Variants in IFT88 observed in about 807,000 individuals in gnomAD.
The protein encoded by IFT88 is intraflagellar transport protein 88 homolog.
Under a neutral mutation model 119.5 loss-of-function variants are expected in IFT88, and 74 were observed. The ratio of observed to expected loss-of-function variants is 0.62; its 90% CI spans 0.51 to 0.75. The LOEUF is 0.75. Ranked by LOEUF, IFT88 falls within the 30% of genes least tolerant of loss-of-function variation. The pLI is 0.00. For synonymous variants in IFT88, 279 were observed against 316.7 expected (o/e 0.88, Z 1.26); for missense variants, 961 against 977.7 (o/e 0.98, Z 0.23).
intron 16 of IFT88, among the ~76,000 whole-genome samples, chr13:20,636,649 C>A (rs1402022192): frequency 6.6e-6 from 1 of 152,244 alleles, no homozygotes; most frequent in Non-Finnish European, 1.5e-5. Context: ...TCTGATGATT[C>A]CTTCTGCCTT....
intron 7 of IFT88, among the ~76,000 whole-genome samples, chr13:20,594,080 A>G (rs2041214119): frequency 6.6e-6 from 1 of 151,898 alleles, no homozygotes; most frequent in Non-Finnish European, 1.5e-5. Context: ...AAAAAAAGAC[A>G]TATACATAAT....
At chr13:20,618,147 C>T (rs1294926145) in intron 14 of IFT88, among the ~76,000 whole-genome samples, 1 of 152,122 alleles carries the variant, frequency 6.6e-6, no homozygotes, top group Non-Finnish European at 1.5e-5. Flanking sequence ...GTCTCAATCT[C>T]CTGACCTCGT....
At chr13:20,656,274 A>G (rs2052778462) in intron 21 of IFT88, 91 bp from the exon 22 acceptor site, 5 of 470,178 alleles carry the variant, frequency 1.1e-5, no homozygotes, top group South Asian at 1.1e-4. Flanking sequence ...TAAACCATTA[A>G]ATAGCCAGTA....
intron 3 of IFT88, 67 bp from the exon 4 acceptor site, chr13:20,589,744 C>A: frequency 3.5e-6 from 3 of 856,512 alleles, no homozygotes; most frequent in Non-Finnish European, 5.5e-6. Context: ...TTTTCTATTT[C>A]TTTTCCAGTT....
intron 25 of IFT88, 25 bp from the exon 26 acceptor site, chr13:20,691,029 A>G (rs763777872): frequency 1.9e-6 from 3 of 1,609,474 alleles, no homozygotes; most frequent in Non-Finnish European, 2.5e-6. Flanking sequence ...CATAACTCTA[A>G]CGTGACAATC....
chr13:20,672,134 T>C (rs7334480), intron 24 of IFT88, among the ~76,000 whole-genome samples: 139,967 of 152,122 alleles, frequency 0.92, 64,473 homozygotes, highest in East Asian at 1. Flanking sequence ...GAAACTGCAG[T>C]TGGGACAAAG....
intron 24 of IFT88, among the ~76,000 whole-genome samples, chr13:20,679,350 G>A (rs10400670): frequency 0.52 from 79,569 of 151,988 alleles, 22,587 homozygotes; most frequent in African/African-American, 0.73. Flanking sequence ...GTGGAATGCA[G>A]AGCAACTCCA....
At chr13:20,669,762 A>G (rs937790375) in intron 23 of IFT88, among the ~76,000 whole-genome samples, 1 of 152,178 alleles carries the variant, frequency 6.6e-6, no homozygotes, top group Admixed American at 6.5e-5. Context: ...TATGCTGGAG[A>G]TGATCCATCT....
At chr13:20,597,786 T>G (rs1344211312) in intron 9 of IFT88, among the ~76,000 whole-genome samples, 4 of 149,474 alleles carry the variant, frequency 2.7e-5, no homozygotes, top group Non-Finnish European at 5.9e-5. Flanking sequence ...TTTTGATAAC[T>G]TGGTAAGTAC....
chr13:20,601,900 A>ATGAAGATAAATTGAT lies in IFT88; in HGVS notation c.1008_1009insTGAAGATAAATTGAT (p.Leu336_Glu337insTer). 1 of 1,601,108 alleles carries ATGAAGATAAATTGAT rather than the reference A, an allele frequency of 6.2e-7. No individual in the cohort carries two copies. Among genetic ancestry groups the ATGAAGATAAATTGAT allele is most frequent in the Non-Finnish European group, 8.6e-7 (1 of 1,168,182 alleles). Reference sequence around the variant, plus strand: ...TCCAAAAATTGATTACTGTTCCATTAGAAATTGATGAAGATAAATATATTT... The same window carrying ATGAAGATAAATTGAT: ...TCCAAAAATTGATTACTGTTCCATTATGAAGATAAATTGATGAAATTGATGAAGATAAATATATTT... On this transcript the variant is annotated stop_gained and inframe_insertion, in exon 12 of 26. Coordinates refer to ENST00000351808, the MANE Select transcript of IFT88 (RefSeq NM_006531.5). LOFTEE classifies it high-confidence loss of function.
intron 13 of IFT88, among the ~76,000 whole-genome samples, chr13:20,615,578 G>T (rs1003542632): frequency 6.6e-6 from 1 of 152,132 alleles, no homozygotes; most frequent in Non-Finnish European, 1.5e-5. Flanking sequence ...AATGAACACC[G>T]TTGACCCGGC....
At position 20,644,858 on chromosome 13, in the gene IFT88, C is replaced by G; in HGVS notation, c.1849C>G (p.Pro617Ala). Residue 617 changes from proline to alanine, a missense_variant, in exon 20 of 26, where the codon CCT becomes GCT. Pro to Ala is a conservative substitution (Grantham distance 27). Transcript: ENST00000351808. ...QYYYESYRYF[P>A]CNIEVIEWLG... The stretch of plus-strand genomic sequence containing the variant: ...TGTTTTACAGTCATATAGGTATTTT[C>G]CTTGTAATATTGAAGTCATTGAGTG... The G allele has an allele frequency of 6.4e-7, 1 of 1,555,124 alleles. No individual in the cohort carries two copies. Among genetic ancestry groups the G allele is most frequent in the South Asian group, 1.2e-5 (1 of 86,504 alleles).
At chr13:20,601,365 GAAAAA>G (rs60858876) in intron 11 of IFT88, among the ~76,000 whole-genome samples, 1 of 143,356 alleles carries the variant, frequency 7.0e-6, no homozygotes, top group African/African-American at 2.6e-5. Flanking sequence ...GACCCTGTCT[GAAAAA>G]AAAAAAAAAA....
chr13:20,631,024 G>A lies in IFT88; in HGVS notation c.1308G>A (p.Glu436=), dbSNP rs368723884. 1.9e-6 allele frequency: 3 copies of A among 1,578,144 alleles called. No individual in the cohort carries two copies. The highest frequency in any genetic ancestry group is 1.3e-5 in the African/African-American group (1 of 74,310). ...AGATATTCCATTTCTAGGCTGTAGA[G>A]ATCTTAAAAGTGTTGGAAAAAAAGG... The part of the protein sequence containing the change: ...LRQKDYNQAV[E]ILKVLEKKDS... The change falls in exon 16 of 26, where the codon GAG becomes GAA. Residue 436 remains glutamate (E), a synonymous_variant. Coordinates refer to ENST00000351808, the MANE Select transcript of IFT88 (RefSeq NM_006531.5).
intron 13 of IFT88, among the ~76,000 whole-genome samples, chr13:20,609,233 A>G (rs1306665288): frequency 2.0e-5 from 3 of 152,240 alleles, no homozygotes; most frequent in Admixed American, 1.3e-4. Context: ...AGTAGGAAAC[A>G]ATGCAGTGTT....
chr13:20,615,622 T>A (rs2045478529), intron 13 of IFT88, among the ~76,000 whole-genome samples, 171 bp from the exon 14 acceptor site: 1 of 152,200 alleles, frequency 6.6e-6, no homozygotes. Context: ...CGTTTCCTAG[T>A]CATGGTTTTA....
Position 20,638,321 on chromosome 13 carries a change from A to G in IFT88, c.1387-11A>G. 7.6e-7 allele frequency: 1 copy of G among 1,311,134 alleles called. No homozygotes were observed. The highest frequency in any genetic ancestry group is 9.9e-7 in the Non-Finnish European group (1 of 1,012,458). 81.2% of individuals were successfully genotyped at this position (1,311,134 alleles called of 1,614,324 possible). A position where few individuals can be genotyped will look rare whatever the true frequency, so the allele number is the denominator to read the frequency against. On this transcript the variant is annotated splice_polypyrimidine_tract_variant and intron_variant, in intron 16 of 25. Transcript: ENST00000351808. ...TGAAATTCAAATAATTTGTATATGTATTTTACTTAGGGAAAGGATTTTGCA... is the reference window on the plus strand; with the variant it reads ...TGAAATTCAAATAATTTGTATATGTGTTTTACTTAGGGAAAGGATTTTGCA...
At position 20,627,929 on chromosome 13, in the gene IFT88, A is replaced by G. The variant is rs144639150; in HGVS notation, c.1299+2080A>G. 1.6e-3 allele frequency among the ~76,000 whole-genome samples: 246 copies of G among 152,120 alleles called. 1 individual carries two copies. The highest frequency in any genetic ancestry group is 5.6e-3 in the African/African-American group (232 of 41,518). On this transcript the variant is annotated intron_variant, in intron 15 of 25. Coordinates refer to ENST00000351808, the MANE Select transcript of IFT88 (RefSeq NM_006531.5). ...TTGCATTTTCAAGTTTTTAATATCA[A>G]TTGGTTTACTGATTTTTTTAAAATG...
At chr13:20,673,777 C>T (rs7999803) in intron 24 of IFT88, among the ~76,000 whole-genome samples, 4 of 152,274 alleles carry the variant, frequency 2.6e-5, no homozygotes, top group African/African-American at 9.6e-5. Flanking sequence ...TCCTTTCTTT[C>T]TTCCAGTCCA....
Sources: gnomAD v4.1 joint callset for allele counts (sites outside exome capture counted in the v4.1 genomes callset) on GRCh38, gnomAD v4.1.1 for gene constraint, MANE v1.5 for transcripts, NCBI Gene and HGNC (gene_info 2026-07-23, HGNC 2026-07-21) for gene names.